Variants in UGGT2 observed in about 807,000 individuals in gnomAD.
The protein encoded by UGGT2 is UDP-glucose:glycoprotein glucosyltransferase 2.
UGGT2 carries 180 observed loss-of-function variants against 192.1 expected under a neutral mutation model. The observed-to-expected ratio is 0.94, with a 90% CI of 0.83 to 1.06. The LOEUF (loss-of-function observed/expected upper bound fraction) is 1.06. UGGT2 is among the 50% of genes least tolerant of loss of function. The probability of loss-of-function intolerance (pLI) is 0.00; values close to 1 mark genes in which losing one functional copy is unlikely to be tolerated. For missense variants in UGGT2, 1,849 were observed against 1,795.7 expected (o/e 1.03, Z -0.54); for synonymous variants, 580 against 591.0 (o/e 0.98, Z 0.27).
At chr13:95,812,531 T>C (rs1481041787) in intron 38 of UGGT2, among the ~76,000 whole-genome samples, 1 of 152,206 alleles carries the variant, frequency 6.6e-6, no homozygotes, top group Non-Finnish European at 1.5e-5. Context: ...CATCAGATAA[T>C]GCAGTCTCCA....
chr13:95,993,759 C>T (rs908476669), intron 7 of UGGT2, among the ~76,000 whole-genome samples: 2 of 152,062 alleles, frequency 1.3e-5, no homozygotes, highest in African/African-American at 4.8e-5. Flanking sequence ...CCCTGAGAGT[C>T]CTTCATAAAT....
intron 2 of UGGT2, among the ~76,000 whole-genome samples, chr13:96,031,106 G>A (rs1377369360): frequency 6.6e-6 from 1 of 152,162 alleles, no homozygotes; most frequent in Non-Finnish European, 1.5e-5. Flanking sequence ...TACCACACTA[G>A]TGAGGGATGT....
In UGGT2 at chr13:95,874,373, C is replaced by T. The variant is rs539055932; in HGVS notation, c.3473+2906G>A. 9.4e-4 allele frequency among the ~76,000 whole-genome samples: 143 copies of T among 152,186 alleles called. 1 individual carries two copies. The highest frequency in any genetic ancestry group is 1.6e-3 in the Non-Finnish European group (106 of 67,994). Reference sequence around the variant, plus strand: ...GCACAATACTCTTGCCTTTTGTGGTCATTATTAAGTAAAACGAGGGTTACC... The same window carrying T: ...GCACAATACTCTTGCCTTTTGTGGTTATTATTAAGTAAAACGAGGGTTACC... On this transcript the variant is annotated intron_variant, in intron 29 of 38. Coordinates refer to ENST00000376747, the MANE Select transcript of UGGT2 (RefSeq NM_020121.4).
intron 32 of UGGT2, among the ~76,000 whole-genome samples, chr13:95,860,324 GTATA>G (rs894493721): frequency 6.8e-6 from 1 of 147,610 alleles, no homozygotes. Context: ...TATAAATATT[GTATA>G]TATAAAGTAC....
intron 38 of UGGT2, among the ~76,000 whole-genome samples, chr13:95,824,412 C>T (rs1885804273): frequency 1.3e-5 from 2 of 152,160 alleles, no homozygotes; most frequent in Admixed American, 1.3e-4. Flanking sequence ...TTCTCTTCTT[C>T]CTCAGGAACA....
At chr13:95,938,848 C>T (rs562322437) in intron 16 of UGGT2, among the ~76,000 whole-genome samples, 3 of 152,192 alleles carry the variant, frequency 2.0e-5, no homozygotes, top group Non-Finnish European at 2.9e-5. Flanking sequence ...ATTTTCTCTG[C>T]CTCCACTTCT....
chr13:95,873,266 C>A (rs1022266019), intron 29 of UGGT2, among the ~76,000 whole-genome samples: 1 of 152,156 alleles, frequency 6.6e-6, no homozygotes, highest in Admixed American at 6.5e-5. Flanking sequence ...GCCTATTTTG[C>A]TCATTTTCTA....
chr13:96,028,242 T>G (rs2052725674), intron 2 of UGGT2, among the ~76,000 whole-genome samples: 1 of 152,378 alleles, frequency 6.6e-6, no homozygotes, highest in African/African-American at 2.4e-5. Context: ...ATTTCAAATG[T>G]GGCACGTCCA....
chr13:95,809,326 C>A, intron 38 of UGGT2: 1 of 485,474 alleles, frequency 2.1e-6, no homozygotes, highest in Non-Finnish European at 4.1e-6. Context: ...TGGCTTCTTT[C>A]TCTCTAGCTT....
rs188176601 is a variant in UGGT2 at position 95,852,061 on chromosome 13, A to T, written c.4284+1482T>A. Reference sequence around the variant, plus strand: ...TCTGTAAACACATATATATTTGAAGATCTCCCAATTTTCAAGAATGATTAA... The same window carrying T: ...TCTGTAAACACATATATATTTGAAGTTCTCCCAATTTTCAAGAATGATTAA... On this transcript the variant is annotated intron_variant, in intron 36 of 38. Coordinates refer to ENST00000376747, the MANE Select transcript of UGGT2 (RefSeq NM_020121.4). Among the ~76,000 whole-genome samples the T allele has an allele frequency of 3.1e-3, 477 of 152,134 alleles. 3 individuals carry two copies. The highest frequency in any genetic ancestry group is 0.011 in the African/African-American group (455 of 41,494).
At chr13:95,906,551 T>C (rs1347817980) in intron 20 of UGGT2, among the ~76,000 whole-genome samples, 1 of 152,162 alleles carries the variant, frequency 6.6e-6, no homozygotes, top group South Asian at 2.1e-4. Context: ...ACATAGAAGA[T>C]ACTTTTAAAA....
chr13:95,824,209 C>G (rs1885785938), intron 38 of UGGT2, among the ~76,000 whole-genome samples: 1 of 152,080 alleles, frequency 6.6e-6, no homozygotes. Context: ...GCTTTTGTCT[C>G]ACAGCTCTTA....
At chr13:95,934,668 C>T (rs866755310) in intron 17 of UGGT2, among the ~76,000 whole-genome samples, 4 of 152,142 alleles carry the variant, frequency 2.6e-5, no homozygotes, top group Non-Finnish European at 5.9e-5. Flanking sequence ...CCCACCATGA[C>T]GCCTGGCTAA....
At chr13:95,803,664 C>CA (rs1221421938) in intron 38 of UGGT2, among the ~76,000 whole-genome samples, 1 of 152,108 alleles carries the variant, frequency 6.6e-6, no homozygotes, top group East Asian at 1.9e-4. Flanking sequence ...CATGACCATA[C>CA]ACCTAGAAGG....
chr13:96,043,376 C>A (rs551149966), intron 1 of UGGT2, among the ~76,000 whole-genome samples: 54 of 152,256 alleles, frequency 3.5e-4, no homozygotes, highest in African/African-American at 1.3e-3. Context: ...AGCTCTAAAT[C>A]TTGAAACAAA....
chr13:95,897,227 A>G (rs1434291699), intron 22 of UGGT2, among the ~76,000 whole-genome samples: 1 of 152,004 alleles, frequency 6.6e-6, no homozygotes, highest in Non-Finnish European at 1.5e-5. Context: ...TCATTGTCCA[A>G]ATGAAGAAAT....
intron 11 of UGGT2, among the ~76,000 whole-genome samples, chr13:95,970,696 T>C (rs539010469): frequency 6.6e-6 from 1 of 152,166 alleles, no homozygotes; most frequent in Non-Finnish European, 1.5e-5. Flanking sequence ...TGTGTTTGAA[T>C]ACAAATTTAA....
chr13:95,983,869 A>G lies in UGGT2; in HGVS notation c.1032-5T>C. ...ACAGCAATTCTGGTTAGAGATCTGG[A>G]AAAATGAATACTAATATAATTGATC... On this transcript the variant is annotated splice_region_variant and splice_polypyrimidine_tract_variant and intron_variant, in intron 9 of 38. Coordinates refer to ENST00000376747, the MANE Select transcript of UGGT2 (RefSeq NM_020121.4). 1.3e-6 allele frequency: 2 copies of G among 1,527,896 alleles called. No homozygotes were observed. Among genetic ancestry groups the G allele is most frequent in the Non-Finnish European group, 1.8e-6 (2 of 1,122,446 alleles). The allele number at this position is 1,527,896 out of a possible 1,614,324, so 94.6% of individuals were successfully genotyped here. A position where few individuals can be genotyped will look rare whatever the true frequency, so the allele number is the denominator to read the frequency against.
At chr13:95,936,640 G>T (rs1367447811) in intron 17 of UGGT2, among the ~76,000 whole-genome samples, 1 of 152,234 alleles carries the variant, frequency 6.6e-6, no homozygotes, top group Non-Finnish European at 1.5e-5. Flanking sequence ...CAAGTTCTCT[G>T]CAGAGGGAGC....
Sources: gnomAD v4.1 joint callset for allele counts (sites outside exome capture counted in the v4.1 genomes callset) on GRCh38, gnomAD v4.1.1 for gene constraint, MANE v1.5 for transcripts, NCBI Gene and HGNC (gene_info 2026-07-23, HGNC 2026-07-21) for gene names.